Variants in NRXN1 observed in about 807,000 individuals in gnomAD.
NRXN1 encodes neurexin 1, also known as neurexin-1.
In NRXN1, 39 loss-of-function variants were observed where a neutral mutation model predicts 150.9. That is an observed-to-expected ratio of 0.26 (90% confidence interval 0.20 to 0.34). The LOEUF (loss-of-function observed/expected upper bound fraction) is 0.34, where lower values mean the gene tolerates loss of function less well. Ranked by LOEUF, NRXN1 falls within the 10% of genes least tolerant of loss-of-function variation. NRXN1 has a pLI of 1.00. For synonymous variants in NRXN1, 924 were observed against 757.0 expected (o/e 1.22, Z -3.62); for missense variants, 1,815 against 1,949.9 (o/e 0.93, Z 1.30).
At chr2:50,277,027 C>A (rs748324901) in intron 17 of NRXN1, among the ~76,000 whole-genome samples, 2 of 151,970 alleles carry the variant, frequency 1.3e-5, no homozygotes, top group Non-Finnish European at 2.9e-5. Context: ...AGAAGGATAG[C>A]CTTACCTTTT....
chr2:50,628,170 G>C (rs554349903), intron 5 of NRXN1, among the ~76,000 whole-genome samples: 27 of 151,708 alleles, frequency 1.8e-4, no homozygotes, highest in Non-Finnish European at 3.0e-4. Flanking sequence ...GGTTTTGTTT[G>C]CCAGATAATG....
At chr2:50,354,507 ATG>A (rs994974523) in intron 17 of NRXN1, among the ~76,000 whole-genome samples, 22 of 147,384 alleles carry the variant, frequency 1.5e-4, no homozygotes, top group Admixed American at 1.2e-3. Context: ...CCTAGAGTAT[ATG>A]TGTGTGTATC....
intron 17 of NRXN1, among the ~76,000 whole-genome samples, chr2:50,380,315 T>C (rs1005308601): frequency 1.1e-4 from 17 of 151,988 alleles, no homozygotes; most frequent in African/African-American, 3.1e-4. Context: ...TGTGTATTTT[T>C]TTTCCCAAGA....
chr2:50,233,241 T>C (rs1003134042), intron 18 of NRXN1, among the ~76,000 whole-genome samples: 1 of 152,024 alleles, frequency 6.6e-6, no homozygotes, highest in African/African-American at 2.4e-5. Flanking sequence ...CATAAAACCT[T>C]AACAATTTCA....
intron 17 of NRXN1, among the ~76,000 whole-genome samples, chr2:50,407,262 C>A (rs929691912): frequency 3.9e-5 from 6 of 152,224 alleles, no homozygotes; most frequent in Middle Eastern, 3.4e-3. Context: ...TTCCTTGCCC[C>A]AAGATGCTTT....
intron 19 of NRXN1, among the ~76,000 whole-genome samples, chr2:50,060,268 T>G (rs968216023): frequency 6.6e-6 from 1 of 152,124 alleles, no homozygotes; most frequent in African/African-American, 2.4e-5. Flanking sequence ...GCTTTAAGAT[T>G]TGACTGCCCC....
At chr2:50,295,346 C>G (rs905064115) in intron 17 of NRXN1, among the ~76,000 whole-genome samples, 6 of 152,148 alleles carry the variant, frequency 3.9e-5, no homozygotes, top group African/African-American at 9.7e-5. Context: ...ACAAATGTGA[C>G]ACAAGGTAAA....
At chr2:50,008,624 T>G (rs1685149083) in intron 21 of NRXN1, among the ~76,000 whole-genome samples, 1 of 151,994 alleles carries the variant, frequency 6.6e-6, no homozygotes, top group South Asian at 2.1e-4. Context: ...GAACACTATG[T>G]AAGATATGCA....
chr2:50,520,429 G>T (rs2092754399), intron 12 of NRXN1, among the ~76,000 whole-genome samples: 1 of 150,268 alleles, frequency 6.7e-6, no homozygotes, highest in South Asian at 2.1e-4. Context: ...CAATAGCAAA[G>T]AAAAAACATT....
At chr2:50,508,495 C>T (rs2092331536) in intron 12 of NRXN1, among the ~76,000 whole-genome samples, 2 of 151,016 alleles carry the variant, frequency 1.3e-5, no homozygotes, top group South Asian at 4.2e-4. Flanking sequence ...ATCCTGCTGG[C>T]AGTAAGGGTC....
chr2:50,894,511 C>T (rs1681615487), intron 5 of NRXN1, among the ~76,000 whole-genome samples: 1 of 151,862 alleles, frequency 6.6e-6, no homozygotes, highest in Admixed American at 6.6e-5. Context: ...ACGCAGAACA[C>T]TTAATTAATA....
chr2:50,558,109 G>T (rs1221020562), intron 8 of NRXN1, among the ~76,000 whole-genome samples: 1 of 152,142 alleles, frequency 6.6e-6, no homozygotes, highest in Non-Finnish European at 1.5e-5. Context: ...TCACTTTCTG[G>T]CAGGCCCTCT....
chr2:49,930,103 C>A (rs1000906162), intron 22 of NRXN1, among the ~76,000 whole-genome samples: 2 of 152,128 alleles, frequency 1.3e-5, no homozygotes. Flanking sequence ...CTTGAGGAAA[C>A]AAAGTTTACT....
intron 5 of NRXN1, among the ~76,000 whole-genome samples, chr2:50,885,945 T>C (rs1468656536): frequency 6.6e-6 from 1 of 151,112 alleles, no homozygotes; most frequent in Admixed American, 6.6e-5. Flanking sequence ...TGGGGGAGAA[T>C]AAAATACAAA....
intron 22 of NRXN1, among the ~76,000 whole-genome samples, chr2:49,938,214 GCT>G (rs1558540261): frequency 6.6e-6 from 1 of 152,088 alleles, no homozygotes; most frequent in African/African-American, 2.4e-5. Context: ...GAATACACCA[GCT>G]CTCTCATATT....
At chr2:50,979,168 A>T in intron 2 of NRXN1, 1 of 479,994 alleles carries the variant, frequency 2.1e-6, no homozygotes, top group Admixed American at 2.2e-5. Context: ...CATAACTTAC[A>T]TGGTCATCGT....
chr2:50,534,744 T>C (rs965035051), intron 10 of NRXN1, among the ~76,000 whole-genome samples: 9 of 152,212 alleles, frequency 5.9e-5, no homozygotes, highest in African/African-American at 1.7e-4. Flanking sequence ...TTCTCTTCTT[T>C]ATTTAATCTC....
intron 2 of NRXN1, among the ~76,000 whole-genome samples, chr2:50,952,202 G>A (rs1170964873): frequency 2.0e-5 from 3 of 151,360 alleles, no homozygotes; most frequent in Non-Finnish European, 3.0e-5. Context: ...TCCTGACCTC[G>A]TGATCCGCCC....
intron 17 of NRXN1, among the ~76,000 whole-genome samples, chr2:50,262,754 T>C (rs2068420761): frequency 1.3e-5 from 2 of 151,952 alleles, no homozygotes; most frequent in South Asian, 4.1e-4. Flanking sequence ...AGTGGTGTCA[T>C]TTTCCTCCAT....
Sources: gnomAD v4.1 joint callset for allele counts (sites outside exome capture counted in the v4.1 genomes callset) on GRCh38, gnomAD v4.1.1 for gene constraint, MANE v1.5 for transcripts, NCBI Gene and HGNC (gene_info 2026-07-23, HGNC 2026-07-21) for gene names.